Variants in MYO3A observed in about 807,000 individuals in gnomAD.
The protein encoded by MYO3A is myosin IIIA.
In MYO3A, 180 loss-of-function variants were observed where a neutral mutation model predicts 192.7. That is an observed-to-expected ratio of 0.93 (90% CI 0.83 to 1.06). The LOEUF is 1.06. Ranked by LOEUF, MYO3A falls within the 50% of genes least tolerant of loss-of-function variation. The pLI, the probability that MYO3A is intolerant of heterozygous loss-of-function variation, is 0.00. For synonymous variants in MYO3A, 628 were observed against 645.3 expected, an observed-to-expected ratio of 0.97 and a Z score of 0.41; for missense variants, 1,896 against 1,905.0, an observed-to-expected ratio of 1.00 and a Z score of 0.09.
intron 4 of MYO3A, among the ~76,000 whole-genome samples, chr10:25,956,335 GT>G (rs542587893): frequency 0.014 from 1,998 of 141,958 alleles, 52 homozygotes; most frequent in African/African-American, 0.046. Flanking sequence ...TTCTATTATG[GT>G]TTTTTTTTTT....
At chr10:26,144,146 A>G (rs1840322826) in intron 21 of MYO3A, among the ~76,000 whole-genome samples, 1 of 152,132 alleles carries the variant, frequency 6.6e-6, no homozygotes, top group Non-Finnish European at 1.5e-5. Flanking sequence ...GAAATGTATA[A>G]TACATTTTAA....
At chr10:26,141,818 C>T (rs1462808141) in intron 20 of MYO3A, among the ~76,000 whole-genome samples, 2 of 152,174 alleles carry the variant, frequency 1.3e-5, no homozygotes, top group African/African-American at 2.4e-5. Context: ...ATCTATTCTT[C>T]TCATTTTTAT....
chr10:25,994,466 C>A (rs911228105), intron 4 of MYO3A, among the ~76,000 whole-genome samples: 3 of 152,128 alleles, frequency 2.0e-5, no homozygotes, highest in African/African-American at 7.2e-5. Flanking sequence ...ACTCTTTATC[C>A]AATTTGCCAG....
At chr10:26,021,914 C>G (rs578138293) in intron 8 of MYO3A, 186 of 456,872 alleles carry the variant, frequency 4.1e-4, no homozygotes, top group Middle Eastern at 2.6e-3. Context: ...ATAGCAGTTC[C>G]TCCCACCCTT....
At chr10:26,035,518 ACCTAGTTCAGTT>A (rs2131179434) in intron 10 of MYO3A, among the ~76,000 whole-genome samples, 1 of 152,338 alleles carries the variant, frequency 6.6e-6, no homozygotes, top group Admixed American at 6.5e-5. Flanking sequence ...TGTGCTAAAT[ACCTAGTTCAGTT>A]CCTGTCTTTA....
chr10:26,066,977 G>T lies in MYO3A; in HGVS notation c.956G>T (p.Arg319Leu). The change falls in exon 11 of 35, where the codon CGT (arginine) becomes CTT (leucine). Residue 319 changes from arginine (R) to leucine (L), a missense_variant and splice_region_variant. Transcript: ENST00000642920. ...QCMGGTEKAR[R>L]ERIHTKKGNF... ...TCAGAAAGCGTTTTTCTCCACAGAC[G>T]TGAACGTATTCACACGAAGAAAGGG... is the stretch of plus-strand genomic sequence containing the variant. 2 of 1,605,926 alleles carry T rather than the reference G, an allele frequency of 1.2e-6. No individual in the cohort carries two copies. The highest frequency in any genetic ancestry group is 1.7e-5 in the Admixed American group (1 of 59,982).
chr10:26,154,709 G>C (rs376093999), intron 24 of MYO3A, 37 bp from the exon 25 acceptor site: 68 of 1,575,142 alleles, frequency 4.3e-5, no homozygotes, highest in Non-Finnish European at 3.8e-5. Context: ...AAGTACAATA[G>C]ATACCAAGGC....
chr10:26,110,478 A>G (rs976530235), intron 17 of MYO3A, among the ~76,000 whole-genome samples: 1 of 152,182 alleles, frequency 6.6e-6, no homozygotes, highest in African/African-American at 2.4e-5. Context: ...CCAGTATGTG[A>G]ATCTCATTCC....
intron 6 of MYO3A, among the ~76,000 whole-genome samples, chr10:26,010,466 T>TG (rs1422680094): frequency 2.2e-5 from 3 of 138,030 alleles, no homozygotes; most frequent in South Asian, 2.1e-4. Context: ...TTTTTTTTTT[T>TG]TTTTTGTTTT....
chr10:26,174,956 A>G (rs1356066385), intron 30 of MYO3A, among the ~76,000 whole-genome samples: 1 of 152,238 alleles, frequency 6.6e-6, no homozygotes, highest in East Asian at 1.9e-4. Context: ...TTGAGAAGAC[A>G]TAATTAGGTA....
At chr10:26,036,090 C>G (rs957689473) in intron 10 of MYO3A, among the ~76,000 whole-genome samples, 1 of 151,960 alleles carries the variant, frequency 6.6e-6, no homozygotes, top group African/African-American at 2.4e-5. Flanking sequence ...CCCACCACCA[C>G]GCCTGGCTAA....
In MYO3A at chr10:26,174,119, G is replaced by A. The variant is rs2132037588; in HGVS notation, c.3855G>A (p.Leu1285=). 2 of 1,614,126 alleles carry A rather than the reference G, an allele frequency of 1.2e-6. No homozygotes were observed. Among genetic ancestry groups the A allele is most frequent in the South Asian group, 1.1e-5 (1 of 91,080 alleles). The change falls in exon 30 of 35, where the codon TTG becomes TTA. Residue 1285 remains leucine (L), a synonymous_variant. Coordinates refer to ENST00000642920, the MANE Select transcript of MYO3A (RefSeq NM_017433.5). ...AENETSFKKT[L]EPTLSQRSIY... ...ATGAGACTTCCTTTAAAAAAACTTTGGAACCTACACTTAGCCAAAGGTCAA... is the reference window on the plus strand; with the variant it reads ...ATGAGACTTCCTTTAAAAAAACTTTAGAACCTACACTTAGCCAAAGGTCAA...
chr10:26,117,420 C>G (rs1352636365), intron 17 of MYO3A, among the ~76,000 whole-genome samples: 1 of 152,056 alleles, frequency 6.6e-6, no homozygotes, highest in Admixed American at 6.6e-5. Context: ...TTTCATCACC[C>G]AGGTATTAAG....
chr10:26,125,702 G>A (rs943988761), intron 19 of MYO3A, 94 bp downstream of exon 19: 4 of 1,076,846 alleles, frequency 3.7e-6, no homozygotes, highest in Non-Finnish European at 5.6e-6. Flanking sequence ...CTTTCAAGAT[G>A]TTTCTATAAT....
At position 26,165,232 on chromosome 10, in the gene MYO3A, C is replaced by T. The variant is rs571963726; in HGVS notation, c.3000-835C>T. The stretch of plus-strand genomic sequence containing the variant: ...GGTAAAACTCTGCTCTGCATGTCAC[C>T]GTGCCACCTCAGCCGTCTACATATC... On this transcript the variant is annotated intron_variant, in intron 26 of 34. Coordinates refer to ENST00000642920, the MANE Select transcript of MYO3A (RefSeq NM_017433.5). Among the ~76,000 whole-genome samples, 7 of 152,196 alleles carry T rather than the reference C, an allele frequency of 4.6e-5. No individual in the cohort carries two copies. In the East Asian group the frequency reaches 1.2e-3, roughly 25 times the overall value.
chr10:26,203,834 G>A (rs1009605091), intron 34 of MYO3A, among the ~76,000 whole-genome samples: 1 of 152,206 alleles, frequency 6.6e-6, no homozygotes, highest in Non-Finnish European at 1.5e-5. Flanking sequence ...GTGACATGGT[G>A]GTTAAGAAAA....
At chr10:26,010,450 G>GTTTTTTTTT (rs778349166) in intron 6 of MYO3A, among the ~76,000 whole-genome samples, 9 of 111,218 alleles carry the variant, frequency 8.1e-5, no homozygotes, top group South Asian at 3.1e-4. Context: ...CTAAGTAGTT[G>GTTTTTTTTT]TTTTTTTTTT....
At chr10:26,154,659 T>C in intron 24 of MYO3A, 87 bp from the exon 25 acceptor site, 3 of 1,205,226 alleles carry the variant, frequency 2.5e-6, no homozygotes, top group Non-Finnish European at 3.7e-6. Context: ...TAAACTAAGA[T>C]AGCCTGAAGG....
chr10:26,099,681 G>C (rs970993522), intron 17 of MYO3A, among the ~76,000 whole-genome samples: 3 of 152,142 alleles, frequency 2.0e-5, no homozygotes, highest in African/African-American at 7.2e-5. Context: ...TGTGGTTTTT[G>C]TCTTTAGTTC....
Sources: allele counts gnomAD v4.1 joint callset (sites outside exome capture counted in the v4.1 genomes callset), GRCh38; gene constraint gnomAD v4.1.1; transcripts MANE v1.5; gene names NCBI Gene and HGNC (gene_info 2026-07-23, HGNC 2026-07-21).